The following TOX2 variants were observed in gnomAD, a reference collection of about 807,000 sequenced individuals.
TOX2 encodes granulosa cell HMG box 1.
A neutral mutation model predicts 47.4 loss-of-function variants in TOX2; 15 were observed. The ratio of observed to expected loss-of-function variants is 0.32; its 90% confidence interval spans 0.21 to 0.49. The LOEUF is 0.49. TOX2 is among the 20% of genes least tolerant of loss of function. TOX2 has a pLI of 0.99. For synonymous variants in TOX2, 290 were observed against 296.6 expected (o/e 0.98, Z 0.23); for missense variants, 622 against 673.1 (o/e 0.92, Z 0.84).
intron 3 of TOX2, among the ~76,000 whole-genome samples, chr20:44,034,290 G>A (rs1466370032): frequency 1.3e-5 from 2 of 152,080 alleles, no homozygotes; most frequent in Non-Finnish European, 2.9e-5. Context: ...TATTGGAGGG[G>A]CTCCTTCTCT....
chr20:43,957,851 C>G (rs1194683271), intron 1 of TOX2, among the ~76,000 whole-genome samples: 1 of 152,074 alleles, frequency 6.6e-6, no homozygotes, highest in East Asian at 1.9e-4. Context: ...CTTCACATGG[C>G]CAGCAGGAGA....
chr20:44,010,643 C>T lies in TOX2; in HGVS notation c.411+3851C>T, dbSNP rs150600758. On this transcript the variant is annotated intron_variant, in intron 3 of 8. Coordinates refer to ENST00000341197, the MANE Select transcript of TOX2 (RefSeq NM_001098797.2). ...TGTGTGTGCGTGGGCATACACGCTACGTGGGTGACGCTGGAATTGGTGTTA... is the reference window on the plus strand; with the variant it reads ...TGTGTGTGCGTGGGCATACACGCTATGTGGGTGACGCTGGAATTGGTGTTA... Among the ~76,000 whole-genome samples, 1,473 of 152,242 alleles carry T rather than the reference C, an allele frequency of 9.7e-3. 19 individuals carry two copies. The highest frequency in any genetic ancestry group is 0.028 in the Admixed American group (432 of 15,298).
chr20:43,967,105 G>A (rs2069869844), intron 1 of TOX2, among the ~76,000 whole-genome samples: 2 of 152,172 alleles, frequency 1.3e-5, no homozygotes. Flanking sequence ...TCAGAGGGAT[G>A]TAGATGGCAG....
intron 1 of TOX2, among the ~76,000 whole-genome samples, chr20:43,970,381 G>A (rs2069943768): frequency 6.6e-6 from 1 of 152,214 alleles, no homozygotes; most frequent in South Asian, 2.1e-4. Flanking sequence ...ATTGTCTACT[G>A]TGCTTATCGG....
intron 1 of TOX2, among the ~76,000 whole-genome samples, chr20:43,949,968 A>T (rs1156955189): frequency 6.6e-6 from 1 of 152,142 alleles, no homozygotes; most frequent in African/African-American, 2.4e-5. Context: ...ACCTAGACAG[A>T]CTGGAATAGG....
Position 43,932,783 on chromosome 20 carries a change from C to CCG in TOX2, c.99+17793_99+17794insCG, listed in dbSNP as rs11283632. Among the ~76,000 whole-genome samples, 311 of 149,058 alleles carry CCG rather than the reference C, an allele frequency of 2.1e-3. 4 individuals are homozygous for CCG. Among genetic ancestry groups the CCG allele is most frequent in the East Asian group, 9.2e-3 (43 of 4,654 alleles). On this transcript the variant is annotated intron_variant, in intron 1 of 8. Transcript: ENST00000341197. The stretch of plus-strand genomic sequence containing the variant: ...TTGGAGAGGGGTTGCTGCCCCCCCC[C>CCG]GCCATTTCTGACTGAGGGCAGGTCA...
At chr20:43,976,783 C>CACACACACAT (rs1555835282) in intron 2 of TOX2, among the ~76,000 whole-genome samples, 6,061 of 74,990 alleles carry the variant, frequency 0.081, 381 homozygotes, top group African/African-American at 0.31. Context: ...AGCGCGCGCG[C>CACACACACAT]ACACACACAC....
In TOX2 at chr20:43,916,941, G is replaced by A. The variant is rs1054915121; in HGVS notation, c.99+1951G>A. On this transcript the variant is annotated intron_variant, in intron 1 of 8. Coordinates refer to ENST00000341197, the MANE Select transcript of TOX2 (RefSeq NM_001098797.2). This position sits in a 1 kb window ranked among gnomAD's most constrained non-coding sequence, Gnocchi z 5.0. ...TCTGACTCAGCACCAGAACCTGTGC[G>A]AATCTCGCCGGGAAGGGCCCGTCAG... 6.6e-6 allele frequency among the ~76,000 whole-genome samples: 1 copy of A among 152,200 alleles called. No individual in the cohort carries two copies. Among genetic ancestry groups the A allele is most frequent in the Non-Finnish European group, 1.5e-5 (1 of 68,030 alleles).
intron 2 of TOX2, among the ~76,000 whole-genome samples, chr20:44,000,915 G>T (rs917806032): frequency 6.6e-6 from 1 of 152,044 alleles, no homozygotes; most frequent in Non-Finnish European, 1.5e-5. Flanking sequence ...CAAGATGAAG[G>T]CCAGATGAAG....
At chr20:44,054,633 C>T (rs996882728) in intron 5 of TOX2, 107 bp downstream of exon 5, 1 of 1,211,114 alleles carries the variant, frequency 8.3e-7, no homozygotes, top group Non-Finnish European at 1.2e-6. Context: ...ACTAGAGACT[C>T]TTACAGAGGT....
intron 3 of TOX2, among the ~76,000 whole-genome samples, chr20:44,044,125 T>A (rs2071376698): frequency 1.3e-5 from 1 of 76,000 alleles, no homozygotes; most frequent in South Asian, 4.0e-4. Context: ...ACGTCCTTTG[T>A]AGGGACATGG....
intron 3 of TOX2, among the ~76,000 whole-genome samples, chr20:44,025,207 G>A (rs1476327726): frequency 6.6e-6 from 1 of 152,102 alleles, no homozygotes; most frequent in African/African-American, 2.4e-5. Flanking sequence ...GAGGGAGGGA[G>A]AGATGTTAAG....
intron 3 of TOX2, among the ~76,000 whole-genome samples, chr20:44,017,083 C>T (rs2070892359): frequency 6.6e-6 from 1 of 152,186 alleles, no homozygotes; most frequent in African/African-American, 2.4e-5. Flanking sequence ...TTCTCTGGCC[C>T]CAGAATCTAG....
chr20:43,994,941 G>C (rs568553828), intron 2 of TOX2, among the ~76,000 whole-genome samples: 1 of 152,106 alleles, frequency 6.6e-6, no homozygotes, highest in Admixed American at 6.5e-5. Flanking sequence ...GTGGGAGGGT[G>C]TTAGATGCAC....
intron 3 of TOX2, among the ~76,000 whole-genome samples, chr20:44,031,203 C>T (rs1050293779): frequency 4.6e-5 from 7 of 152,112 alleles, no homozygotes; most frequent in African/African-American, 7.2e-5. Flanking sequence ...TTGGAAGCAG[C>T]GCTGCTTCCT....
chr20:43,963,103 G>T (rs977540854), intron 1 of TOX2, among the ~76,000 whole-genome samples: 1 of 151,992 alleles, frequency 6.6e-6, no homozygotes, highest in Non-Finnish European at 1.5e-5. Context: ...AGCCACGTGT[G>T]GTAAGCGGCC....
intron 2 of TOX2, among the ~76,000 whole-genome samples, chr20:43,976,403 C>A (rs1281658665): frequency 3.9e-5 from 6 of 152,180 alleles, no homozygotes; most frequent in Admixed American, 3.9e-4. Flanking sequence ...GAAGGGTTCC[C>A]AGAGCAGCAA....
chr20:43,917,802 T>C (rs2069074279), intron 1 of TOX2, among the ~76,000 whole-genome samples: 1 of 152,268 alleles, frequency 6.6e-6, no homozygotes, highest in South Asian at 2.1e-4. Flanking sequence ...TTAAACACAA[T>C]ATTAGCATGC....
intron 2 of TOX2, among the ~76,000 whole-genome samples, chr20:44,005,381 T>C (rs2070659812): frequency 6.6e-6 from 1 of 152,220 alleles, no homozygotes; most frequent in South Asian, 2.1e-4. Context: ...ACACCTCTTT[T>C]CTGCTAGGTC....
Sources: allele counts gnomAD v4.1 joint callset (sites outside exome capture counted in the v4.1 genomes callset), GRCh38; gene constraint gnomAD v4.1.1; non-coding constraint Gnocchi (gnomAD v3.1); transcripts MANE v1.5; gene names NCBI Gene and HGNC (gene_info 2026-07-23, HGNC 2026-07-21).